Variants in SPTB observed in about 807,000 individuals in gnomAD.
The protein encoded by SPTB is spectrin beta chain, erythrocytic.
In SPTB, 45 loss-of-function variants were observed where a neutral mutation model predicts 256.2. The ratio of observed to expected loss-of-function variants is 0.18; its 90% confidence interval spans 0.14 to 0.23. SPTB has a LOEUF of 0.23. Ranked by LOEUF, SPTB falls within the 10% of genes least tolerant of loss-of-function variation. SPTB has a pLI of 1.00. For missense variants in SPTB, 2,715 were observed against 3,040.4 expected, an observed-to-expected ratio of 0.89 and a Z score of 2.52; for synonymous variants, 1,231 against 1,243.1, an observed-to-expected ratio of 0.99 and a Z score of 0.21.
In SPTB at chr14:64,795,331, G is replaced by T; in HGVS notation, c.1644+6C>A. On this transcript the variant is annotated splice_donor_region_variant and intron_variant, in intron 12 of 35. Transcript: ENST00000644917. The surrounding 1 kb of genome is among the most constrained non-coding windows in gnomAD (Gnocchi z 6.5). ...GGGCATGGCGGGGGCGGCCCCCAGG[G>T]CCCACCTTGATCTCATCCATCCAGT... 1 of 1,603,842 alleles carries T rather than the reference G, an allele frequency of 6.2e-7. No individual in the cohort carries two copies. The highest frequency in any genetic ancestry group is 1.8e-4 in the Middle Eastern group (1 of 5,522).
rs2082740956 is a variant in SPTB, at chr14:64,795,065, G to A, written c.1644+272C>T. Among the ~76,000 whole-genome samples the A allele has an allele frequency of 2.0e-5, 3 of 152,146 alleles. No homozygotes were observed. The highest frequency in any genetic ancestry group is 6.5e-5 in the Admixed American group (1 of 15,288). On this transcript the variant is annotated intron_variant, in intron 12 of 35. Transcript: ENST00000644917. The surrounding 1 kb of genome is among the most constrained non-coding windows in gnomAD (Gnocchi z 6.5). ...CCTGATTAATGTCTGTCTCTTCAAG[G>A]CCCTGAAGGTTGGCACCGGTGCTGC...
At chr14:64,875,215 T>C (rs1882757283) in intron 1 of SPTB, among the ~76,000 whole-genome samples, 1 of 152,248 alleles carries the variant, frequency 6.6e-6, no homozygotes, top group Non-Finnish European at 1.5e-5. Flanking sequence ...GGTCTGGGAA[T>C]TTGATAAGCT....
rs1054319310 is a variant in SPTB at position 64,816,593 on chromosome 14, T to C, written c.148+6354A>G. Among the ~76,000 whole-genome samples the C allele has an allele frequency of 1.3e-5, 2 of 152,180 alleles. No homozygotes were observed. The highest frequency in any genetic ancestry group is 2.4e-5 in the African/African-American group (1 of 41,442). On this transcript the variant is annotated intron_variant, in intron 2 of 35. Transcript: ENST00000644917. The surrounding 1 kb of genome is among the most constrained non-coding windows in gnomAD (Gnocchi z 4.2). ...GTGTGTCTATGCACATAGACACGTGTGGGATTATTTGATCTACCTCTGTCT... is the reference window on the plus strand; with the variant it reads ...GTGTGTCTATGCACATAGACACGTGCGGGATTATTTGATCTACCTCTGTCT...
In SPTB at chr14:64,798,919, C is replaced by T. The variant is rs1265635240; in HGVS notation, c.1064+828G>A. On this transcript the variant is annotated intron_variant, in intron 9 of 35. Transcript: ENST00000644917. ...TCTGGACAAGCTAATGGCAGATAAG[C>T]TGGAATGCCCCGTGTGTATGTGTGT... Among the ~76,000 whole-genome samples, 5 of 152,144 alleles carry T rather than the reference C, an allele frequency of 3.3e-5. 1 individual carries two copies. The highest frequency in any genetic ancestry group is 4.1e-4 in the South Asian group (2 of 4,830).
chr14:64,782,438 T>C lies in SPTB; in HGVS notation c.4118A>G (p.Gln1373Arg). ...GGAGCTCCTGGCAGCCGAGAGGTGC[T>C]GGGTCTTCTCCTTTGTGGTGGCCTG... Reference protein sequence around the residue: ...ELQATTKEKTQHLSAARSSDL... With the variant: ...ELQATTKEKTRHLSAARSSDL... The change falls in exon 20 of 36, where the codon CAG becomes CGG. Residue 1373 changes from glutamine to arginine, a missense_variant. By Grantham distance (43) the Gln-to-Arg change is conservative. Around this residue, in one of 4 missense-constraint regions of SPTB, gnomAD observed 2,239 missense variants for 2,384.4 expected, o/e 0.94. Transcript: ENST00000644917. 1 of 1,614,140 alleles carries C rather than the reference T, an allele frequency of 6.2e-7. No individual in the cohort carries two copies. The highest frequency in any genetic ancestry group is 1.1e-5 in the South Asian group (1 of 91,084).
Position 64,747,511 on chromosome 14 carries a change from C to T in SPTB, c.*1795G>A, listed in dbSNP as rs2081865583. On this transcript the variant is annotated 3_prime_UTR_variant, in exon 36 of 36. Transcript: ENST00000644917. The stretch of plus-strand genomic sequence containing the variant: ...GCGGGAACCTGGGGATGTCAGGCTC[C>T]ATCGGATGACGTCTTCCTTCCTGTG... 6.6e-6 allele frequency: 1 copy of T among 152,666 alleles called. No homozygotes were observed. The highest frequency in any genetic ancestry group is 1.5e-5 in the Non-Finnish European group (1 of 68,112). 9.5% of individuals were successfully genotyped at this position (152,666 alleles called of 1,614,324 possible). A position where few individuals can be genotyped will look rare whatever the true frequency, so the allele number is the denominator to read the frequency against.
At chr14:64,876,483 T>G (rs1290450908) in intron 1 of SPTB, among the ~76,000 whole-genome samples, 1 of 152,198 alleles carries the variant, frequency 6.6e-6, no homozygotes, top group African/African-American at 2.4e-5. Flanking sequence ...GAAATTAAAG[T>G]GCTGCTCTTC....
chr14:64,795,550 C>A lies in SPTB; in HGVS notation c.1431G>T (p.Arg477=). ...IETDTAAYEE[R]VRALEDLAQE... is the part of the protein sequence containing the mutation. ...GAGCCAGGTCCTCCAGGGCTCTCACCCGCTCCTCGTAGGCAGCCGTGTCGG... is the reference window on the plus strand; with the variant it reads ...GAGCCAGGTCCTCCAGGGCTCTCACACGCTCCTCGTAGGCAGCCGTGTCGG... The change falls in exon 12 of 36, where the codon CGG becomes CGT. Residue 477 remains arginine, a synonymous_variant. Coordinates refer to ENST00000644917, the MANE Select transcript of SPTB (RefSeq NM_001355436.2). The surrounding 1 kb of genome is among the most constrained non-coding windows in gnomAD (Gnocchi z 6.5). 1 of 1,614,172 alleles carries A rather than the reference C, an allele frequency of 6.2e-7. No homozygotes were observed. Among genetic ancestry groups the A allele is most frequent in the Non-Finnish European group, 8.5e-7 (1 of 1,180,042 alleles).
rs185125059 is a variant in SPTB at position 64,771,047 on chromosome 14, T to C, written c.5636A>G (p.Gln1879Arg). 6.2e-7 allele frequency: 1 copy of C among 1,614,202 alleles called. No individual in the cohort carries two copies. The highest frequency in any genetic ancestry group is 2.2e-5 in the East Asian group (1 of 44,892). Residue 1879 changes from glutamine (Q) to arginine (R), a missense_variant, in exon 27 of 36, where the codon CAG (glutamine) becomes CGG (arginine). Gln to Arg is a conservative substitution (Grantham distance 43). Coordinates refer to ENST00000644917, the MANE Select transcript of SPTB (RefSeq NM_001355436.2). ...CGCCTGCCACGCGGCAGACACCTCC[T>C]GCTCCTTGTTCTGGATGGCCTCTGC... The part of the protein sequence containing the change: ...EKAEAIQNKE[Q>R]EVSAAWQALL...
At chr14:64,809,696 G>A (rs962992198) in intron 2 of SPTB, among the ~76,000 whole-genome samples, 4 of 152,150 alleles carry the variant, frequency 2.6e-5, no homozygotes, top group Non-Finnish European at 5.9e-5. Flanking sequence ...AATCCTAGAG[G>A]CAAAAGGAAG....
chr14:64,819,650 T>C (rs2083255491), intron 2 of SPTB, among the ~76,000 whole-genome samples: 1 of 152,118 alleles, frequency 6.6e-6, no homozygotes, highest in Non-Finnish European at 1.5e-5. Flanking sequence ...GTTTCCTTGG[T>C]CCCTGGCTTT....
At chr14:64,805,233 G>A (rs992793716) in intron 2 of SPTB, 143 bp from the exon 3 acceptor site, 13 of 901,054 alleles carry the variant, frequency 1.4e-5, no homozygotes, top group Non-Finnish European at 2.1e-5. Context: ...CCCTTCCTTG[G>A]AGCATTTGCC....
At chr14:64,861,941 A>G (rs768344845) in intron 1 of SPTB, among the ~76,000 whole-genome samples, 17 of 152,272 alleles carry the variant, frequency 1.1e-4, no homozygotes, top group Non-Finnish European at 2.2e-4. Context: ...TGATATCACA[A>G]TCACATTTAC....
intron 27 of SPTB, 82 bp from the exon 28 acceptor site, chr14:64,769,810 TCC>T: frequency 6.3e-7 from 1 of 1,582,130 alleles, no homozygotes; most frequent in Non-Finnish European, 8.7e-7. Flanking sequence ...GGGGCCCACC[TCC>T]CCCTGCCTGT....
chr14:64,805,427 C>A lies in SPTB; in HGVS notation c.149-337G>T, dbSNP rs140530642. On this transcript the variant is annotated intron_variant, in intron 2 of 35. Coordinates refer to ENST00000644917, the MANE Select transcript of SPTB (RefSeq NM_001355436.2). Reference sequence around the variant, plus strand: ...AATTCAGATTTCAGTGCCAGGCTTACCCATCAACCCATCAAATATTCGCTC... The same window carrying A: ...AATTCAGATTTCAGTGCCAGGCTTAACCATCAACCCATCAAATATTCGCTC... Among the ~76,000 whole-genome samples the A allele has an allele frequency of 5.4e-3, 819 of 152,286 alleles. 8 individuals carry two copies. Among genetic ancestry groups the A allele is most frequent in the African/African-American group, 0.019 (784 of 41,550 alleles).
rs564186565 is a variant in SPTB at position 64,845,471 on chromosome 14, C to T, written c.-51-22326G>A. On this transcript the variant is annotated intron_variant, in intron 1 of 35. Transcript: ENST00000644917. The surrounding 1 kb of genome is among the most constrained non-coding windows in gnomAD (Gnocchi z 4.8). ...TGAAAATACCTGCCAGTCTCCTCAT[C>T]TCCATCAATTAGAAAAAGAGAACCA... Among the ~76,000 whole-genome samples the T allele has an allele frequency of 3.5e-4, 53 of 152,340 alleles. No homozygotes were observed. Among genetic ancestry groups the T allele is most frequent in the African/African-American group, 1.2e-3 (49 of 41,578 alleles).
intron 1 of SPTB, among the ~76,000 whole-genome samples, chr14:64,831,828 T>C (rs976408533): frequency 6.6e-6 from 1 of 152,110 alleles, no homozygotes; most frequent in African/African-American, 2.4e-5. Flanking sequence ...ATAGAAACAG[T>C]GCTGAACAAA....
chr14:64,815,405 G>A (rs904311834), intron 2 of SPTB, among the ~76,000 whole-genome samples: 1 of 152,228 alleles, frequency 6.6e-6, no homozygotes, highest in African/African-American at 2.4e-5. Context: ...TCCTAGTCCT[G>A]TCTTGGCCAC....
Position 64,879,870 on chromosome 14 carries a change from G to T in SPTB, c.-130C>A. 1 of 153,640 alleles carries T rather than the reference G, an allele frequency of 6.5e-6. No individual in the cohort carries two copies. Among genetic ancestry groups the T allele is most frequent in the South Asian group, 1.8e-4 (1 of 5,474 alleles). The allele number at this position is 153,640 out of a possible 1,614,324, so 9.5% of individuals were successfully genotyped here. On this transcript the variant is annotated 5_prime_UTR_variant, in exon 1 of 36. Transcript: ENST00000644917. ...CGGCGCAGGGGGAGGAGGGCAGCGCGGGGCTCCTGGCACAGCGGCCGCCGG... is the reference window on the plus strand; with the variant it reads ...CGGCGCAGGGGGAGGAGGGCAGCGCTGGGCTCCTGGCACAGCGGCCGCCGG...
Sources: gnomAD v4.1 joint callset for allele counts (sites outside exome capture counted in the v4.1 genomes callset) on GRCh38, gnomAD v4.1.1 for gene constraint, gnomAD v4.1.1 regional missense constraint, Gnocchi (gnomAD v3.1) non-coding constraint, MANE v1.5 for transcripts, NCBI Gene and HGNC (gene_info 2026-07-23, HGNC 2026-07-21) for gene names.